The following CTNNA2 variants were observed in gnomAD, a reference collection of about 807,000 sequenced individuals.
CTNNA2 encodes catenin alpha-2.
A neutral mutation model predicts 101.0 loss-of-function variants in CTNNA2; 42 were observed. That is an observed-to-expected ratio of 0.42 (90% CI 0.32 to 0.54). The LOEUF (loss-of-function observed/expected upper bound fraction) is 0.54. CTNNA2 is among the 20% of genes least tolerant of loss of function. The probability of loss-of-function intolerance (pLI) is 0.14; values close to 1 mark genes in which losing one functional copy is unlikely to be tolerated. For synonymous variants in CTNNA2, 450 were observed against 456.4 expected, an observed-to-expected ratio of 0.99 and a Z score of 0.18; for missense variants, 871 against 1,223.1, an observed-to-expected ratio of 0.71 and a Z score of 4.29.
intron 1 of CTNNA2, among the ~76,000 whole-genome samples, chr2:79,611,082 C>A (rs373316668): frequency 8.6e-4 from 131 of 152,066 alleles, no homozygotes; most frequent in South Asian, 4.8e-3. Context: ...GTATGTATAC[C>A]TAATGAATAT....
intron 7 of CTNNA2, among the ~76,000 whole-genome samples, chr2:80,081,785 T>TTCTC (rs59390333): frequency 0.47 from 70,657 of 150,428 alleles, 18,744 homozygotes; most frequent in East Asian, 0.7. Flanking sequence ...GTGTCTGTGT[T>TTCTC]TCTCTCTCTC....
At chr2:80,100,528 GT>G (rs545170934) in intron 7 of CTNNA2, among the ~76,000 whole-genome samples, 1 of 151,712 alleles carries the variant, frequency 6.6e-6, no homozygotes, top group East Asian at 1.9e-4. Context: ...TACTATATTT[GT>G]TTTTTTTCAC....
At chr2:79,986,845 C>T (rs1255449603) in intron 7 of CTNNA2, among the ~76,000 whole-genome samples, 1 of 152,184 alleles carries the variant, frequency 6.6e-6, no homozygotes, top group Non-Finnish European at 1.5e-5. Context: ...CTCAAAGAAG[C>T]TACTTCCAGG....
intron 7 of CTNNA2, among the ~76,000 whole-genome samples, chr2:80,326,426 A>T (rs935855369): frequency 6.6e-6 from 1 of 152,102 alleles, no homozygotes; most frequent in Non-Finnish European, 1.5e-5. Context: ...TCTTCTTGTC[A>T]TTTTATCTAT....
At chr2:80,004,152 T>A (rs1047832349) in intron 7 of CTNNA2, among the ~76,000 whole-genome samples, 2 of 152,232 alleles carry the variant, frequency 1.3e-5, no homozygotes, top group African/African-American at 4.8e-5. Flanking sequence ...TATGCTGGAA[T>A]GCTTGTAGAT....
At chr2:79,770,349 C>T (rs1673484831) in intron 3 of CTNNA2, among the ~76,000 whole-genome samples, 1 of 152,144 alleles carries the variant, frequency 6.6e-6, no homozygotes. Context: ...AGAAAATTAA[C>T]TGAAACAGAG....
intron 1 of CTNNA2, among the ~76,000 whole-genome samples, chr2:79,194,822 T>A (rs1673937817): frequency 6.6e-6 from 1 of 152,216 alleles, no homozygotes; most frequent in African/African-American, 2.4e-5. Context: ...AGCACAATCA[T>A]TTCAGAGACA....
intron 2 of CTNNA2, among the ~76,000 whole-genome samples, chr2:79,299,879 G>C (rs1676068288): frequency 6.6e-6 from 1 of 152,158 alleles, no homozygotes; most frequent in African/African-American, 2.4e-5. Context: ...AACAGATGTA[G>C]GTGAAAATAT....
At chr2:80,308,416 C>A (rs528401130) in intron 7 of CTNNA2, among the ~76,000 whole-genome samples, 1 of 152,112 alleles carries the variant, frequency 6.6e-6, no homozygotes, top group African/African-American at 2.4e-5. Flanking sequence ...TCAGTGGCAG[C>A]GAACCATGGC....
intron 7 of CTNNA2, among the ~76,000 whole-genome samples, chr2:79,979,868 A>C (rs1691133028): frequency 6.6e-6 from 1 of 152,160 alleles, no homozygotes; most frequent in African/African-American, 2.4e-5. Context: ...ACTTATATAA[A>C]GCAAAACCTT....
intron 7 of CTNNA2, among the ~76,000 whole-genome samples, chr2:80,226,985 C>A (rs1377875083): frequency 2.0e-5 from 3 of 152,108 alleles, no homozygotes; most frequent in Non-Finnish European, 2.9e-5. Flanking sequence ...ATCATGGATG[C>A]TAAACTTGGG....
Position 79,773,772 on chromosome 2 carries a change from C to T in CTNNA2, c.298+29190C>T, listed in dbSNP as rs533239370. On this transcript the variant is annotated intron_variant, in intron 3 of 18. Coordinates refer to ENST00000402739, the MANE Select transcript of CTNNA2 (RefSeq NM_001282597.3). ...TAGTGAGTCTTTCTGTCTTTCAACT[C>T]TGTTCCTTTCTGATATGTGCCAAAC... Among the ~76,000 whole-genome samples the T allele has an allele frequency of 3.3e-5, 5 of 152,174 alleles. No homozygotes were observed. In the South Asian group the frequency reaches 1.0e-3, roughly 32 times the overall value.
intron 9 of CTNNA2, among the ~76,000 whole-genome samples, chr2:80,521,493 C>T (rs1330503138): frequency 6.6e-5 from 10 of 152,152 alleles, no homozygotes; most frequent in Non-Finnish European, 1.3e-4. Flanking sequence ...TACTAATCAG[C>T]TGAATTTAAG....
Position 79,349,259 on chromosome 2 carries a change from C to T in CTNNA2, c.-317-24572C>T, listed in dbSNP as rs141335795. ...TTAAAGCAGTTTATATTCAATCAAGCGTGCTATTCTTGCAACAAATAGTTA... is the reference window on the plus strand; with the variant it reads ...TTAAAGCAGTTTATATTCAATCAAGTGTGCTATTCTTGCAACAAATAGTTA... On this transcript the variant is annotated intron_variant, in intron 3 of 21. Coordinates refer to the CTNNA2 transcript ENST00000466387. Among the ~76,000 whole-genome samples, 435 of 152,266 alleles carry T rather than the reference C, an allele frequency of 2.9e-3. 1 individual carries two copies. Among genetic ancestry groups the T allele is most frequent in the African/African-American group, 1.0e-2 (414 of 41,540 alleles).
chr2:80,222,778 A>G (rs1708641622), intron 7 of CTNNA2, among the ~76,000 whole-genome samples: 1 of 152,240 alleles, frequency 6.6e-6, no homozygotes, highest in African/African-American at 2.4e-5. Flanking sequence ...CTCTTTAGCT[A>G]TAATCTCAAA....
intron 4 of CTNNA2, among the ~76,000 whole-genome samples, chr2:79,379,463 C>G (rs1264167407): frequency 6.6e-6 from 1 of 152,164 alleles, no homozygotes; most frequent in Non-Finnish European, 1.5e-5. Context: ...TATCATAGCA[C>G]TTATCATACT....
intron 7 of CTNNA2, among the ~76,000 whole-genome samples, chr2:80,008,526 T>G (rs1693541322): frequency 6.6e-6 from 1 of 152,148 alleles, no homozygotes; most frequent in South Asian, 2.1e-4. Context: ...TTCTTAACTC[T>G]CCGTGAGTAT....
chr2:80,107,066 T>C (rs1008432805), intron 7 of CTNNA2, among the ~76,000 whole-genome samples: 1 of 152,082 alleles, frequency 6.6e-6, no homozygotes, highest in African/African-American at 2.4e-5. Flanking sequence ...AACAGTGCCC[T>C]GTTGATAGAG....
intron 7 of CTNNA2, among the ~76,000 whole-genome samples, chr2:80,012,850 G>C (rs1169246444): frequency 6.6e-6 from 1 of 152,122 alleles, no homozygotes; most frequent in African/African-American, 2.4e-5. Context: ...TATTCTTCCT[G>C]TTCCATGCTC....
Sources: gnomAD v4.1 joint callset for allele counts (sites outside exome capture counted in the v4.1 genomes callset) on GRCh38, gnomAD v4.1.1 for gene constraint, MANE v1.5 for transcripts, NCBI Gene and HGNC (gene_info 2026-07-23, HGNC 2026-07-21) for gene names.